The following TNRC6B variants were observed in gnomAD, a reference collection of about 807,000 sequenced individuals.
TNRC6B encodes trinucleotide repeat containing adaptor 6B.
A neutral mutation model predicts 203.6 loss-of-function variants in TNRC6B; 52 were observed. The ratio of observed to expected loss-of-function variants is 0.26; its 90% CI spans 0.20 to 0.32. TNRC6B has a LOEUF of 0.32. Ranked by LOEUF, TNRC6B falls within the 10% of genes least tolerant of loss-of-function variation. The pLI is 1.00. For synonymous variants in TNRC6B, 838 were observed against 845.7 expected, an observed-to-expected ratio of 0.99 and a Z score of 0.16; for missense variants, 1,923 against 2,286.2, an observed-to-expected ratio of 0.84 and a Z score of 3.24.
chr22:40,236,079 C>T (rs7292310), intron 1 of TNRC6B, among the ~76,000 whole-genome samples: 48,799 of 152,090 alleles, frequency 0.32, 9,586 homozygotes, highest in East Asian at 0.57. Flanking sequence ...AGTACAATGT[C>T]GCAACCCAGA....
intron 1 of TNRC6B, among the ~76,000 whole-genome samples, chr22:40,243,633 G>T (rs1021427439): frequency 2.6e-5 from 4 of 152,140 alleles, no homozygotes. Flanking sequence ...TGCCCAGGCT[G>T]GAGTACAATG....
intron 1 of TNRC6B, among the ~76,000 whole-genome samples, chr22:40,063,500 A>G (rs1276269420): frequency 1.3e-5 from 2 of 152,228 alleles, no homozygotes; most frequent in Non-Finnish European, 2.9e-5. Flanking sequence ...TTACAGATCA[A>G]TTTGGCAAAT....
intron 1 of TNRC6B, among the ~76,000 whole-genome samples, chr22:40,113,574 CTT>C (rs762246407): frequency 3.9e-5 from 6 of 152,224 alleles, no homozygotes; most frequent in Non-Finnish European, 8.8e-5. Context: ...CCAGGCTAGT[CTT>C]GAACTCGTGA....
intron 1 of TNRC6B, among the ~76,000 whole-genome samples, chr22:40,182,157 A>G (rs1222080774): frequency 6.6e-6 from 1 of 152,044 alleles, no homozygotes; most frequent in Non-Finnish European, 1.5e-5. Context: ...AGGCAGGAGA[A>G]TCGTTTGAAC....
chr22:40,132,041 G>A (rs1297693782), intron 3 of TNRC6B, among the ~76,000 whole-genome samples: 1 of 152,158 alleles, frequency 6.6e-6, no homozygotes, highest in Non-Finnish European at 1.5e-5. Context: ...ATTTTTAGAG[G>A]TTAAATATGA....
Position 40,237,220 on chromosome 22 carries a change from C to G in TNRC6B, c.6-8795C>G, listed in dbSNP as rs531622262. ...AGCTTGAATTCACACATCCAAGATC[C>G]TGGTACTTTCAAAACAGCAAAGGCA... is the stretch of plus-strand genomic sequence containing the variant. On this transcript the variant is annotated intron_variant, in intron 1 of 22. Coordinates refer to ENST00000454349, the MANE Select transcript of TNRC6B (RefSeq NM_001162501.2). Among the ~76,000 whole-genome samples the G allele has an allele frequency of 2.6e-4, 40 of 152,262 alleles. 1 individual carries two copies. In the South Asian group the frequency reaches 8.1e-3, roughly 31 times the overall value.
In TNRC6B at chr22:40,170,807, A is replaced by G. The variant is rs557676133; in HGVS notation, c.113+14625A>G. On this transcript the variant is annotated intron_variant, in intron 4 of 23. Coordinates refer to the TNRC6B transcript ENST00000301923. ...CATATATGTGTGTATATATACATAT[A>G]TGTACATATATGTGTGTGTATATAC... 2.1e-4 allele frequency among the ~76,000 whole-genome samples: 10 copies of G among 46,524 alleles called. 2 individuals are homozygous for G. Among genetic ancestry groups the G allele is most frequent in the Non-Finnish European group, 3.6e-4 (10 of 27,836 alleles). The allele number at this position is 46,524 out of a possible 152,430, so 30.5% of individuals were successfully genotyped here.
chr22:40,101,368 G>T, intron 1 of TNRC6B, among the ~76,000 whole-genome samples: 1 of 152,102 alleles, frequency 6.6e-6, no homozygotes, highest in East Asian at 1.9e-4. Context: ...ACAGCACATT[G>T]CCGGCGCCAC....
chr22:40,265,203 T>C lies in TNRC6B; in HGVS notation c.973T>C (p.Leu325=), dbSNP rs772369227. The C allele has an allele frequency of 1.2e-5, 19 of 1,613,968 alleles. No homozygotes were observed. The highest frequency in any genetic ancestry group is 3.3e-5 in the South Asian group (3 of 91,086). ...VQEGTSRKGA[L]ETDNSNSSAQ... Reference sequence around the variant, plus strand: ...AGAAGGAACTTCTAGGAAAGGGGCATTGGAAACAGATAATAGTAATTCCAG... The same window carrying C: ...AGAAGGAACTTCTAGGAAAGGGGCACTGGAAACAGATAATAGTAATTCCAG... The change falls in exon 5 of 23, where the codon TTG becomes CTG. Residue 325 remains leucine, a synonymous_variant. Coordinates refer to ENST00000454349, the MANE Select transcript of TNRC6B (RefSeq NM_001162501.2).
intron 11 of TNRC6B, among the ~76,000 whole-genome samples, 184 bp downstream of exon 11, chr22:40,281,473 A>G (rs2070720179): frequency 6.6e-6 from 1 of 150,652 alleles, no homozygotes; most frequent in South Asian, 2.1e-4. Context: ...GTTTTTCAAC[A>G]CGGATTTTAT....
chr22:40,202,073 A>G (rs2069419728), intron 1 of TNRC6B, among the ~76,000 whole-genome samples: 2 of 152,176 alleles, frequency 1.3e-5, no homozygotes, highest in South Asian at 4.1e-4. Context: ...AGTGTAAGCC[A>G]AGAAAATACT....
At chr22:40,195,953 G>A (rs2069331746) in intron 1 of TNRC6B, among the ~76,000 whole-genome samples, 1 of 151,802 alleles carries the variant, frequency 6.6e-6, no homozygotes, top group African/African-American at 2.4e-5. Context: ...TTGTTTGTTT[G>A]TATTTTTAGT....
At chr22:40,313,069 G>C in intron 19 of TNRC6B, 72 bp downstream of exon 19, 5 of 1,194,350 alleles carry the variant, frequency 4.2e-6, no homozygotes, top group Non-Finnish European at 6.1e-6. Context: ...AAAGGAAACT[G>C]GCATGTATTT....
At chr22:40,202,821 T>G (rs2069431398) in intron 1 of TNRC6B, among the ~76,000 whole-genome samples, 1 of 152,140 alleles carries the variant, frequency 6.6e-6, no homozygotes, top group African/African-American at 2.4e-5. Context: ...ACCGTTTACC[T>G]CAGAGTCTGC....
intron 1 of TNRC6B, among the ~76,000 whole-genome samples, chr22:40,094,790 A>G (rs2068175115): frequency 6.6e-6 from 1 of 152,240 alleles, no homozygotes; most frequent in Non-Finnish European, 1.5e-5. Flanking sequence ...TGCAGCTGGA[A>G]TAGTAGCATT....
intron 3 of TNRC6B, among the ~76,000 whole-genome samples, chr22:40,135,330 C>A (rs531962177): frequency 3.3e-5 from 5 of 152,278 alleles, no homozygotes; most frequent in African/African-American, 1.2e-4. Flanking sequence ...AATATGAGAT[C>A]ATCTTTCATC....
chr22:40,098,617 A>C (rs889514669), intron 1 of TNRC6B, among the ~76,000 whole-genome samples: 3 of 151,774 alleles, frequency 2.0e-5, no homozygotes, highest in Non-Finnish European at 2.9e-5. Flanking sequence ...GTAATTTCTT[A>C]CTCCCTTGGG....
intron 1 of TNRC6B, among the ~76,000 whole-genome samples, chr22:40,211,530 C>G (rs1419948052): frequency 6.6e-6 from 1 of 152,194 alleles, no homozygotes; most frequent in Non-Finnish European, 1.5e-5. Context: ...TTGCCACAAA[C>G]TTACTGTGGC....
chr22:40,308,359 A>G (rs543028738), intron 15 of TNRC6B, among the ~76,000 whole-genome samples, 153 bp from the exon 16 acceptor site: 1 of 152,258 alleles, frequency 6.6e-6, no homozygotes, highest in Non-Finnish European at 1.5e-5. Flanking sequence ...GCAAGAGCCA[A>G]GATCAAAGCT....
Sources: allele counts gnomAD v4.1 joint callset (sites outside exome capture counted in the v4.1 genomes callset), GRCh38; gene constraint gnomAD v4.1.1; transcripts MANE v1.5; gene names NCBI Gene and HGNC (gene_info 2026-07-23, HGNC 2026-07-21).